The following GRIK1 variants were observed in gnomAD, a reference collection of about 807,000 sequenced individuals.
GRIK1 encodes glutamate receptor ionotropic, kainate 1.
In GRIK1, 69 loss-of-function variants were observed where a neutral mutation model predicts 105.7. The observed-to-expected ratio is 0.65, with a 90% CI of 0.54 to 0.80. The LOEUF is 0.80. Ranked by LOEUF, GRIK1 falls within the 30% of genes least tolerant of loss-of-function variation. The pLI is 0.00. For missense variants in GRIK1, 1,109 were observed against 1,167.3 expected (o/e 0.95, Z 0.73); for synonymous variants, 438 against 431.3 (o/e 1.02, Z -0.19).
At chr21:29,748,840 G>A (rs1667591710) in intron 1 of GRIK1, 1 of 152,184 alleles carries the variant, frequency 6.6e-6, no homozygotes. Flanking sequence ...ACAGCTACCT[G>A]GAACGGGCAG....
chr21:29,832,434 A>C (rs538518745), intron 1 of GRIK1, among the ~76,000 whole-genome samples: 1 of 152,290 alleles, frequency 6.6e-6, no homozygotes, highest in African/African-American at 2.4e-5. Flanking sequence ...CCGTCACTGT[A>C]GCAGGCTTCT....
chr21:29,560,307 CTTT>C (rs1307973314), intron 15 of GRIK1, among the ~76,000 whole-genome samples: 1 of 112,508 alleles, frequency 8.9e-6, no homozygotes, highest in African/African-American at 3.9e-5. Context: ...TTCTTTCTTT[CTTT>C]CTTTCTTTCT....
intron 1 of GRIK1, among the ~76,000 whole-genome samples, chr21:29,751,179 G>A (rs979881805): frequency 2.0e-5 from 3 of 152,178 alleles, no homozygotes; most frequent in South Asian, 2.1e-4. Context: ...GGATGTATAC[G>A]TGCAGGTCAC....
intron 1 of GRIK1, among the ~76,000 whole-genome samples, chr21:29,789,049 AT>A (rs1488175519): frequency 2.0e-5 from 3 of 152,204 alleles, no homozygotes; most frequent in Non-Finnish European, 4.4e-5. Flanking sequence ...TTTACTTCAA[AT>A]GAACTGGAAA....
At chr21:29,609,231 C>A (rs1189547626) in intron 7 of GRIK1, among the ~76,000 whole-genome samples, 1 of 151,924 alleles carries the variant, frequency 6.6e-6, no homozygotes, top group Non-Finnish European at 1.5e-5. Flanking sequence ...ATCTCTTTAA[C>A]TCTCTCTTTG....
chr21:29,894,255 G>A (rs1305676497), intron 1 of GRIK1, among the ~76,000 whole-genome samples: 3 of 152,276 alleles, frequency 2.0e-5, no homozygotes, highest in Non-Finnish European at 1.5e-5. Flanking sequence ...GAGGAACGAG[G>A]AAGCCAGTGG....
chr21:29,666,022 A>G (rs1481629893), intron 4 of GRIK1, among the ~76,000 whole-genome samples: 1 of 152,242 alleles, frequency 6.6e-6, no homozygotes, highest in East Asian at 1.9e-4. Context: ...CTTTCAGTCT[A>G]AGATTCTAAT....
intron 7 of GRIK1, among the ~76,000 whole-genome samples, chr21:29,614,678 G>T (rs55774580): frequency 0.056 from 8,539 of 151,286 alleles, 514 homozygotes; most frequent in Admixed American, 0.1. Context: ...CTCCCAAAGT[G>T]TTGGGATTAC....
At chr21:29,562,125 C>G (rs1025966592) in intron 14 of GRIK1, among the ~76,000 whole-genome samples, 1 of 152,138 alleles carries the variant, frequency 6.6e-6, no homozygotes, top group Non-Finnish European at 1.5e-5. Context: ...CTAGCTCACT[C>G]CAGGACTCTG....
At chr21:29,769,496 A>G (rs1181797763) in intron 1 of GRIK1, among the ~76,000 whole-genome samples, 2 of 152,140 alleles carry the variant, frequency 1.3e-5, no homozygotes, top group Non-Finnish European at 2.9e-5. Flanking sequence ...ATCATCAGGT[A>G]TTAGATTCTC....
chr21:29,620,812 T>G (rs569112437), intron 7 of GRIK1, among the ~76,000 whole-genome samples: 8,383 of 117,362 alleles, frequency 0.071, 515 homozygotes, highest in African/African-American at 0.19. Context: ...TATAGATATA[T>G]ATATATAGTA....
intron 1 of GRIK1, among the ~76,000 whole-genome samples, chr21:29,899,356 G>C (rs1352260988): frequency 6.6e-6 from 1 of 152,140 alleles, no homozygotes; most frequent in East Asian, 1.9e-4. Flanking sequence ...TTCTAAGCTT[G>C]GCTATTATTG....
intron 15 of GRIK1, among the ~76,000 whole-genome samples, chr21:29,560,544 C>CTTTCTTTCTT (rs1449402774): frequency 1.1e-5 from 1 of 89,898 alleles, no homozygotes; most frequent in African/African-American, 5.1e-5. Context: ...TTCTTTCTTT[C>CTTTCTTTCTT]TTTCTTTCTT....
At chr21:29,810,545 C>T (rs2066983354) in intron 1 of GRIK1, among the ~76,000 whole-genome samples, 1 of 152,112 alleles carries the variant, frequency 6.6e-6, no homozygotes, top group South Asian at 2.1e-4. Context: ...CATTTTCCTT[C>T]TTTAAACTCA....
chr21:29,898,469 A>G (rs2070259239), intron 1 of GRIK1, among the ~76,000 whole-genome samples: 2 of 152,186 alleles, frequency 1.3e-5, no homozygotes, highest in Non-Finnish European at 2.9e-5. Context: ...GTCATGCCAG[A>G]GACACTGACT....
chr21:29,863,849 C>T (rs2068722676), intron 1 of GRIK1, among the ~76,000 whole-genome samples: 2 of 152,116 alleles, frequency 1.3e-5, no homozygotes, highest in Admixed American at 6.6e-5. Flanking sequence ...ACACATTCTT[C>T]CCCTTCAGTC....
chr21:29,731,112 A>T (rs966642914), intron 1 of GRIK1, among the ~76,000 whole-genome samples: 2 of 152,200 alleles, frequency 1.3e-5, no homozygotes, highest in African/African-American at 4.8e-5. Context: ...TGGATGCCTG[A>T]TGGTTTCCCA....
chr21:29,695,461 T>C (rs1015456903), intron 1 of GRIK1, among the ~76,000 whole-genome samples: 4 of 146,658 alleles, frequency 2.7e-5, no homozygotes, highest in Non-Finnish European at 6.0e-5. Flanking sequence ...TCTATCTATC[T>C]ATCTATCTAT....
chr21:29,601,419 T>G (rs920366244), intron 7 of GRIK1, among the ~76,000 whole-genome samples: 1 of 152,208 alleles, frequency 6.6e-6, no homozygotes, highest in African/African-American at 2.4e-5. Flanking sequence ...TAAACCTCTT[T>G]GTATATATAT....
Sources: gnomAD v4.1 joint callset for allele counts (sites outside exome capture counted in the v4.1 genomes callset) on GRCh38, gnomAD v4.1.1 for gene constraint, MANE v1.5 for transcripts, NCBI Gene and HGNC (gene_info 2026-07-23, HGNC 2026-07-21) for gene names.